Variants in SCRN1 observed in about 807,000 individuals in gnomAD.
SCRN1 encodes secernin-1.
SCRN1 carries 19 observed loss-of-function variants against 43.3 expected under a neutral mutation model. The ratio of observed to expected loss-of-function variants is 0.44; its 90% CI spans 0.31 to 0.64. The LOEUF is 0.64. Among genes scored for constraint, SCRN1 ranks in the 30% least tolerant of loss-of-function variants. SCRN1 has a pLI of 0.09. For missense variants in SCRN1, 447 were observed against 524.1 expected (o/e 0.85, Z 1.44); for synonymous variants, 183 against 188.9 (o/e 0.97, Z 0.26).
intron 6 of SCRN1, among the ~76,000 whole-genome samples, chr7:29,930,795 G>A (rs1197786721): frequency 6.6e-6 from 1 of 152,218 alleles, no homozygotes; most frequent in Non-Finnish European, 1.5e-5. Flanking sequence ...AAGACGATGG[G>A]CCCAAAAGCA....
chr7:29,981,422 A>C (rs1788989659), intron 1 of SCRN1, among the ~76,000 whole-genome samples: 2 of 152,340 alleles, frequency 1.3e-5, no homozygotes, highest in South Asian at 4.1e-4. Context: ...CAAGAGAGAA[A>C]GTTAGTAACC....
In SCRN1 at chr7:29,936,567, A is replaced by C; in HGVS notation, c.894T>G (p.Pro298=). 1 of 1,587,226 alleles carries C rather than the reference A, an allele frequency of 6.3e-7. No homozygotes were observed. Among genetic ancestry groups the C allele is most frequent in the Non-Finnish European group, 8.6e-7 (1 of 1,159,478 alleles). ...GGCCTCGGACAAACCTGGAAGGATC[A>C]GGGGTTCCAGTGAAGTAGTGAATGC... ...SPCIHYFTGT[P]DPSRSIFKPF... is the part of the protein sequence containing the mutation. Residue 298 remains proline, a synonymous_variant, in exon 6 of 8, where the codon CCT becomes CCG. Coordinates refer to ENST00000242059, the MANE Select transcript of SCRN1 (RefSeq NM_014766.5).
At chr7:29,974,685 C>CTTTTTTTTTTTTT (rs1183202361) in intron 1 of SCRN1, among the ~76,000 whole-genome samples, 1 of 134,212 alleles carries the variant, frequency 7.5e-6, no homozygotes, top group African/African-American at 2.8e-5. Flanking sequence ...TTCTTTCTTT[C>CTTTTTTTTTTTTT]TTTTTTTTTT....
chr7:29,942,007 T>C (rs1454176152), intron 4 of SCRN1, among the ~76,000 whole-genome samples: 1 of 152,236 alleles, frequency 6.6e-6, no homozygotes, highest in Non-Finnish European at 1.5e-5. Context: ...TCAGTATGTT[T>C]TGCTTCACTG....
intron 1 of SCRN1, among the ~76,000 whole-genome samples, chr7:29,970,608 C>A (rs1285171085): frequency 6.6e-6 from 1 of 152,206 alleles, no homozygotes; most frequent in African/African-American, 2.4e-5. Context: ...GGACCTTTCC[C>A]TTTTGCACAC....
At chr7:29,942,049 G>T (rs1486706210) in intron 4 of SCRN1, among the ~76,000 whole-genome samples, 3 of 152,198 alleles carry the variant, frequency 2.0e-5, no homozygotes, top group Admixed American at 1.3e-4. Context: ...ATTCCTGGCT[G>T]GTAGGCATTG....
At chr7:29,949,980 AGAT>A (rs1294992916) in intron 3 of SCRN1, among the ~76,000 whole-genome samples, 1 of 152,188 alleles carries the variant, frequency 6.6e-6, no homozygotes, top group Admixed American at 6.5e-5. Flanking sequence ...GCCACTGTGA[AGAT>A]GCCGGCTGCA....
chr7:29,959,438 T>G (rs1395311074), intron 2 of SCRN1, among the ~76,000 whole-genome samples: 2 of 152,156 alleles, frequency 1.3e-5, no homozygotes, highest in African/African-American at 2.4e-5. Context: ...GTGTGTATTT[T>G]GTTTGTTTGT....
chr7:29,953,313 T>C (rs1015003973), intron 3 of SCRN1, among the ~76,000 whole-genome samples: 4 of 152,256 alleles, frequency 2.6e-5, no homozygotes, highest in Non-Finnish European at 4.4e-5. Context: ...AGCTGCTTCA[T>C]GTACCCACAG....
At chr7:29,968,286 T>C (rs545889372) in intron 2 of SCRN1, among the ~76,000 whole-genome samples, 18 of 152,222 alleles carry the variant, frequency 1.2e-4, no homozygotes, top group African/African-American at 4.3e-4. Flanking sequence ...TGAAACACCA[T>C]GCAGCTCTAA....
In SCRN1 at chr7:29,985,907, G is replaced by C. The variant is rs145480651; in HGVS notation, c.-2+3735C>G. Among the ~76,000 whole-genome samples the C allele has an allele frequency of 2.4e-3, 369 of 152,270 alleles. 1 individual carries two copies. The highest frequency in any genetic ancestry group is 8.5e-3 in the African/African-American group (355 of 41,540). On this transcript the variant is annotated intron_variant, in intron 1 of 7. Coordinates refer to ENST00000242059, the MANE Select transcript of SCRN1 (RefSeq NM_014766.5). ...TTCTACAAACAGCATTATGAGCTCA[G>C]CCACCCTCCAGTTCCTGTTAAAAAC...
At position 29,931,264 on chromosome 7, in the gene SCRN1, C is replaced by T. The variant is rs1209577312; in HGVS notation, c.906-4632G>A. ...ACATTTCATAGCACAGCATAATTCTCAAAGCATCTGCATTCAATTCTCATG... is the reference window on the plus strand; with the variant it reads ...ACATTTCATAGCACAGCATAATTCTTAAAGCATCTGCATTCAATTCTCATG... On this transcript the variant is annotated intron_variant, in intron 6 of 7. Transcript: ENST00000242059. 4.6e-5 allele frequency among the ~76,000 whole-genome samples: 7 copies of T among 152,268 alleles called. No individual in the cohort carries two copies. The South Asian group carries it at 8.3e-4, about 18-fold the overall frequency.
chr7:29,968,974 T>C lies in SCRN1; in HGVS notation c.94A>G (p.Arg32Gly). ...VVFGKNSARPRDEVQEVVYFS... is the reference protein window; with the variant it reads ...VVFGKNSARPGDEVQEVVYFS... Reference sequence around the variant, plus strand: ...TACACAACCTCTTGCACTTCATCTCTGGGCCGGGCTGAATTTTTCCCAAAT... The same window carrying C: ...TACACAACCTCTTGCACTTCATCTCCGGGCCGGGCTGAATTTTTCCCAAAT... Residue 32 changes from arginine (R) to glycine (G), a missense_variant, in exon 2 of 8, where the codon AGA becomes GGA. Arg to Gly is a moderately radical substitution (Grantham distance 125). Coordinates refer to ENST00000242059, the MANE Select transcript of SCRN1 (RefSeq NM_014766.5). 6.2e-7 allele frequency: 1 copy of C among 1,614,152 alleles called. No individual in the cohort carries two copies. The highest frequency in any genetic ancestry group is 1.3e-5 in the African/African-American group (1 of 75,040).
intron 3 of SCRN1, 115 bp from the exon 4 acceptor site, chr7:29,944,294 T>A: frequency 2.4e-6 from 2 of 817,138 alleles, no homozygotes; most frequent in Non-Finnish European, 4.0e-6. Flanking sequence ...TGTGTAAACA[T>A]GTTAAGTCTG....
At position 29,969,007 on chromosome 7, in the gene SCRN1, G is replaced by C. The variant is rs768399835; in HGVS notation, c.61C>G (p.Leu21Val). 2.1e-5 allele frequency: 34 copies of C among 1,613,922 alleles called. No homozygotes were observed. In the South Asian group the frequency reaches 3.7e-4, roughly 18 times the overall value. The change falls in exon 2 of 8, where the codon CTG becomes GTG. Residue 21 changes from leucine (L) to valine (V), a missense_variant. Coordinates refer to ENST00000242059, the MANE Select transcript of SCRN1 (RefSeq NM_014766.5). ...GCTGAATTTTTCCCAAATACCACCA[G>C]ACCATCCTTAGCACGTGGAGGGAAG... ...VAFPPRAKDG[L>V]VVFGKNSARP...
intron 1 of SCRN1, among the ~76,000 whole-genome samples, chr7:29,969,648 G>C (rs1311766378): frequency 6.6e-6 from 1 of 152,150 alleles, no homozygotes; most frequent in Non-Finnish European, 1.5e-5. Flanking sequence ...CTCCTGGACT[G>C]GCTTGTTCTA....
chr7:29,930,626 G>A (rs952450706), intron 6 of SCRN1, among the ~76,000 whole-genome samples: 1 of 152,200 alleles, frequency 6.6e-6, no homozygotes, highest in African/African-American at 2.4e-5. Flanking sequence ...CCCGTGGATG[G>A]CTTGGATGCA....
rs375930408 is a variant in SCRN1, at chr7:29,988,166, TTTG to T, written c.-2+1473_-2+1475del. 1.0e-3 allele frequency among the ~76,000 whole-genome samples: 159 copies of T among 152,358 alleles called. 1 individual carries two copies. Among genetic ancestry groups the T allele is most frequent in the African/African-American group, 3.7e-3 (153 of 41,580 alleles). Reference sequence around the variant, plus strand: ...TGAAACTTGATCTAAGAACCTGGTATTTGTTATGTGCACTGCTCTTGGATGATG... The same window carrying T: ...TGAAACTTGATCTAAGAACCTGGTATTTATGTGCACTGCTCTTGGATGATG... On this transcript the variant is annotated intron_variant, in intron 1 of 7. Transcript: ENST00000242059.
chr7:29,944,073 A>G lies in SCRN1; in HGVS notation c.448T>C (p.Cys150Arg). The change falls in exon 4 of 8, where the codon TGC becomes CGC. Residue 150 changes from cysteine (C) to arginine (R), a missense_variant. By Grantham distance (180) the Cys-to-Arg change is radical (BLOSUM62 -3). Transcript: ENST00000242059. ...AGATATGCACTTTGGAAGCTGTGGC[A>G]GGAGTTTGCATCTTCAAAGTAATTC... ...GGNYFEDANS[C>R]HSFQSAYLIV... 1 of 1,614,246 alleles carries G rather than the reference A, an allele frequency of 6.2e-7. No individual in the cohort carries two copies. Among genetic ancestry groups the G allele is most frequent in the African/African-American group, 1.3e-5 (1 of 75,070 alleles).
Sources: allele counts gnomAD v4.1 joint callset (sites outside exome capture counted in the v4.1 genomes callset), GRCh38; gene constraint gnomAD v4.1.1; transcripts MANE v1.5; gene names NCBI Gene and HGNC (gene_info 2026-07-23, HGNC 2026-07-21).